ATAD3C: variants seen among roughly 807,000 people sequenced by gnomAD.
ATAD3C encodes the protein ATPase family AAA domain containing 3C.
In ATAD3C, 38 loss-of-function variants were observed where a neutral mutation model predicts 46.3. The ratio of observed to expected loss-of-function variants is 0.82; its 90% CI spans 0.63 to 1.08. The LOEUF (loss-of-function observed/expected upper bound fraction) is 1.08, where lower values mean the gene tolerates loss of function less well. ATAD3C is among the 50% of genes least tolerant of loss of function. The probability of loss-of-function intolerance (pLI) is 0.00; values close to 1 mark genes in which losing one functional copy is unlikely to be tolerated. For synonymous variants in ATAD3C, 220 were observed against 236.4 expected, an observed-to-expected ratio of 0.93 and a Z score of 0.63; for missense variants, 563 against 572.7, an observed-to-expected ratio of 0.98 and a Z score of 0.17.
chr1:1,460,378 G>A (rs1270199248), intron 9 of ATAD3C, among the ~76,000 whole-genome samples: 7 of 152,030 alleles, frequency 4.6e-5, no homozygotes, highest in Non-Finnish European at 7.4e-5. Context: ...ACTGCGTCTG[G>A]CCAGCGTGGC....
chr1:1,457,120 C>G lies in ATAD3C; in HGVS notation c.690-9C>G, dbSNP rs546627233. Reference sequence around the variant, plus strand: ...CTCTCACCCAGCTTGGCCTCCCTCTCGTCCACAGCCTCCTGCTCTTTGTGG... The same window carrying G: ...CTCTCACCCAGCTTGGCCTCCCTCTGGTCCACAGCCTCCTGCTCTTTGTGG... On this transcript the variant is annotated splice_polypyrimidine_tract_variant and intron_variant, in intron 7 of 11. Coordinates refer to ENST00000378785, the MANE Select transcript of ATAD3C (RefSeq NM_001039211.3). 6.2e-7 allele frequency: 1 copy of G among 1,613,414 alleles called. No homozygotes were observed. The highest frequency in any genetic ancestry group is 8.5e-7 in the Non-Finnish European group (1 of 1,179,596).
At position 1,460,565 on chromosome 1, in the gene ATAD3C, C is replaced by T. The variant is rs1039650461; in HGVS notation, c.813-185C>T. Among the ~76,000 whole-genome samples the T allele has an allele frequency of 3.3e-5, 5 of 152,052 alleles. 1 individual carries two copies. The highest frequency in any genetic ancestry group is 7.2e-5 in the African/African-American group (3 of 41,420). ...GAAGCCGGGCAGGGGGACAGCTGGG[C>T]GTGGTGGGGCAGGCAGGCGGGTGAC... On this transcript the variant is annotated intron_variant, in intron 9 of 11. Transcript: ENST00000378785.
At chr1:1,455,697 A>C in intron 5 of ATAD3C, 94 bp from the exon 6 acceptor site, 1 of 1,574,404 alleles carries the variant, frequency 6.4e-7, no homozygotes. Context: ...CTCCCCGGAG[A>C]GCGGAGTCCA....
rs1639089940 is a variant in ATAD3C at position 1,462,761 on chromosome 1, A to G, written c.1089+53A>G. 2 of 1,538,338 alleles carry G rather than the reference A, an allele frequency of 1.3e-6. No individual in the cohort carries two copies. Among genetic ancestry groups the G allele is most frequent in the South Asian group, 2.4e-5 (2 of 84,386 alleles). ...AGATGGAAGCCCAGCTGCTGTGCAG[A>G]TGCTTGGTTGCGCCAGGCCTGTCCC... On this transcript the variant is annotated intron_variant, in intron 11 of 11. Transcript: ENST00000378785. The surrounding 1 kb of genome is among the most constrained non-coding windows in gnomAD (Gnocchi z 4.5).
chr1:1,453,030 TC>T (rs1358371836), intron 3 of ATAD3C, among the ~76,000 whole-genome samples: 3 of 151,830 alleles, frequency 2.0e-5, no homozygotes, highest in South Asian at 4.2e-4. Context: ...ACACAGTAGG[TC>T]CCCGGCACTG....
intron 9 of ATAD3C, among the ~76,000 whole-genome samples, chr1:1,460,329 C>T (rs1411485963): frequency 6.6e-6 from 1 of 152,004 alleles, no homozygotes; most frequent in African/African-American, 2.4e-5. Flanking sequence ...GACCCACCCG[C>T]CTCGGCCTCC....
At chr1:1,465,046 C>T (rs549637801) in intron 11 of ATAD3C, among the ~76,000 whole-genome samples, 55 of 151,128 alleles carry the variant, frequency 3.6e-4, no homozygotes, top group South Asian at 1.5e-3. Flanking sequence ...CCAACATGCC[C>T]GGCTAATTTT....
Position 1,456,105 on chromosome 1 carries a change from G to A in ATAD3C, c.565-120G>A, listed in dbSNP as rs919457870. ...CCAGGCGGGGGACGTCTCCTGTCTGGCAGGCTGTGGCTTCCAGGCAGGGAC... is the reference window on the plus strand; with the variant it reads ...CCAGGCGGGGGACGTCTCCTGTCTGACAGGCTGTGGCTTCCAGGCAGGGAC... On this transcript the variant is annotated intron_variant, in intron 6 of 11. Coordinates refer to ENST00000378785, the MANE Select transcript of ATAD3C (RefSeq NM_001039211.3). 15 of 1,424,964 alleles carry A rather than the reference G, an allele frequency of 1.1e-5. 1 individual carries two copies. Among genetic ancestry groups the A allele is most frequent in the Non-Finnish European group, 1.4e-5 (15 of 1,084,440 alleles). 88.3% of individuals were successfully genotyped at this position (1,424,964 alleles called of 1,614,324 possible). A position where few individuals can be genotyped will look rare whatever the true frequency, so the allele number is the denominator to read the frequency against.
At chr1:1,452,325 C>T in intron 2 of ATAD3C, 40 bp from the exon 3 acceptor site, 1 of 1,613,500 alleles carries the variant, frequency 6.2e-7, no homozygotes, top group Non-Finnish European at 8.5e-7. Flanking sequence ...TGGCGTGGGT[C>T]TTTGTTTCCC....
intron 1 of ATAD3C, 59 bp from the exon 2 acceptor site, chr1:1,451,987 G>C: frequency 1.2e-6 from 2 of 1,600,098 alleles, no homozygotes; most frequent in East Asian, 4.5e-5. Flanking sequence ...CCTCTGGATT[G>C]GTGTTGAGCA....
Position 1,463,577 on chromosome 1 carries a change from G to A in ATAD3C, c.1089+869G>A, listed in dbSNP as rs141698028. 8.4e-4 allele frequency among the ~76,000 whole-genome samples: 128 copies of A among 152,072 alleles called. 1 individual carries two copies. The highest frequency in any genetic ancestry group is 2.9e-3 in the African/African-American group (122 of 41,506). Reference sequence around the variant, plus strand: ...TGGGTCAGCTGAGGTCTCTGTTCCAGGCCATCCCCACTTGGGACCAGGTCT... The same window carrying A: ...TGGGTCAGCTGAGGTCTCTGTTCCAAGCCATCCCCACTTGGGACCAGGTCT... On this transcript the variant is annotated intron_variant, in intron 11 of 11. Transcript: ENST00000378785.
chr1:1,455,637 G>C (rs570392118), intron 5 of ATAD3C, 118 bp downstream of exon 5: 2 of 1,569,880 alleles, frequency 1.3e-6, no homozygotes, highest in African/African-American at 1.4e-5. Flanking sequence ...CCTGAGATGC[G>C]ACTGCTTGGA....
Position 1,459,352 on chromosome 1 carries a change from C to A in ATAD3C, c.812+121C>A. On this transcript the variant is annotated intron_variant, in intron 9 of 11. Transcript: ENST00000378785. This position sits in a 1 kb window ranked among gnomAD's most constrained non-coding sequence, Gnocchi z 4.9. Reference sequence around the variant, plus strand: ...TGCTGGGCAGCTGCCGTGGCCTCAACGTGCCCACCTTGGATGTCCCCTGGG... The same window carrying A: ...TGCTGGGCAGCTGCCGTGGCCTCAAAGTGCCCACCTTGGATGTCCCCTGGG... 6.4e-7 allele frequency: 1 copy of A among 1,550,656 alleles called. No homozygotes were observed. The highest frequency in any genetic ancestry group is 8.7e-7 in the Non-Finnish European group (1 of 1,149,784).
chr1:1,453,830 G>A (rs765891515), intron 3 of ATAD3C, among the ~76,000 whole-genome samples: 45 of 151,272 alleles, frequency 3.0e-4, no homozygotes, highest in African/African-American at 6.8e-4. Flanking sequence ...TAGTAGAGAC[G>A]GGGTTTCTCC....
At chr1:1,458,153 G>A (rs1018000005) in intron 8 of ATAD3C, among the ~76,000 whole-genome samples, 1 of 149,670 alleles carries the variant, frequency 6.7e-6, no homozygotes, top group Non-Finnish European at 1.5e-5. Context: ...TAAGTTTTTT[G>A]TATTTTTAGT....
At position 1,455,341 on chromosome 1, in the gene ATAD3C, C is replaced by T. The variant is rs1638937938; in HGVS notation, c.379-119C>T. On this transcript the variant is annotated intron_variant, in intron 4 of 11. Transcript: ENST00000378785. ...GCGGGGCGGGGTTCCAGCTCCAGGC[C>T]GGTCCTGGCTGTGATTCGGGGCAGC... 22 of 1,431,302 alleles carry T rather than the reference C, an allele frequency of 1.5e-5. 1 individual carries two copies. The highest frequency in any genetic ancestry group is 3.9e-5 in the South Asian group (3 of 77,050). 88.7% of individuals were successfully genotyped at this position (1,431,302 alleles called of 1,614,324 possible).
chr1:1,450,439 G>C lies in ATAD3C; in HGVS notation c.-245G>C. On this transcript the variant is annotated 5_prime_UTR_variant, in exon 1 of 12. The change abolishes the stop of an existing upstream ORF in the 5' untranslated region. Transcript: ENST00000378785. The stretch of plus-strand genomic sequence containing the variant: ...CCCGTCCACATGGGATGGCCTTCCT[G>C]ATGTGGCTCTCCAAGACCATCCCTG... The C allele has an allele frequency of 2.0e-6, 1 of 508,532 alleles. No homozygotes were observed. Among genetic ancestry groups the C allele is most frequent in the Non-Finnish European group, 3.6e-6 (1 of 279,570 alleles). 31.5% of individuals were successfully genotyped at this position (508,532 alleles called of 1,614,324 possible).
chr1:1,451,985 T>C, intron 1 of ATAD3C, 61 bp from the exon 2 acceptor site: 2 of 1,595,960 alleles, frequency 1.3e-6, no homozygotes, highest in Non-Finnish European at 1.7e-6. Context: ...AACCTCTGGA[T>C]TGGTGTTGAG....
At chr1:1,457,672 T>TTTTTG (rs1055060239) in intron 8 of ATAD3C, among the ~76,000 whole-genome samples, 82 of 151,600 alleles carry the variant, frequency 5.4e-4, no homozygotes, top group African/African-American at 1.8e-3. Context: ...TTTTGAGTGT[T>TTTTTG]TTTTGTTTTG....
Sources: gnomAD v4.1 joint callset for allele counts (sites outside exome capture counted in the v4.1 genomes callset) on GRCh38, gnomAD v4.1.1 for gene constraint, Gnocchi (gnomAD v3.1) non-coding constraint, MANE v1.5 for transcripts, NCBI Gene and HGNC (gene_info 2026-07-23, HGNC 2026-07-21) for gene names.